The following BIRC6 variants were observed in gnomAD, a reference collection of about 807,000 sequenced individuals.
BIRC6 encodes dual E2 ubiquitin-conjugating enzyme/E3 ubiquitin-protein ligase BIRC6.
Under a neutral mutation model 503.3 loss-of-function variants are expected in BIRC6, and 98 were observed. The ratio of observed to expected loss-of-function variants is 0.19; its 90% CI spans 0.17 to 0.23. The LOEUF (loss-of-function observed/expected upper bound fraction) is 0.23. Among genes scored for constraint, BIRC6 ranks in the 10% least tolerant of loss-of-function variants. The pLI is 1.00. For synonymous variants in BIRC6, 2,240 were observed against 2,078.7 expected (o/e 1.08, Z -2.11); for missense variants, 5,360 against 5,806.0 (o/e 0.92, Z 2.50).
At chr2:32,573,199 T>C (rs2060034937) in intron 65 of BIRC6, among the ~76,000 whole-genome samples, 1 of 152,148 alleles carries the variant, frequency 6.6e-6, no homozygotes, top group Non-Finnish European at 1.5e-5. Context: ...TCAGTAAATG[T>C]TTTTTGTTTG....
intron 12 of BIRC6, 91 bp downstream of exon 12, chr2:32,431,181 C>CTTTATTTTTTTTTTTT (rs2044060115): frequency 1.5e-5 from 1 of 65,364 alleles, no homozygotes; most frequent in Non-Finnish European, 2.8e-5. Context: ...TACTGTTTAT[C>CTTTATTTTTTTTTTTT]TTTTTTTTTT....
At chr2:32,519,871 C>A (rs892831401) in intron 57 of BIRC6, among the ~76,000 whole-genome samples, 1 of 152,168 alleles carries the variant, frequency 6.6e-6, no homozygotes, top group Non-Finnish European at 1.5e-5. Flanking sequence ...TCTGGTTAAT[C>A]AGTGAGTGAA....
At chr2:32,399,378 G>T (rs1038284210) in intron 6 of BIRC6, among the ~76,000 whole-genome samples, 4 of 152,112 alleles carry the variant, frequency 2.6e-5, no homozygotes, top group Non-Finnish European at 5.9e-5. Flanking sequence ...GAGCCACCAC[G>T]CCCAGCCTAT....
chr2:32,520,774 G>A (rs2055572029), intron 57 of BIRC6, among the ~76,000 whole-genome samples: 3 of 152,120 alleles, frequency 2.0e-5, no homozygotes, highest in Non-Finnish European at 2.9e-5. Flanking sequence ...CCGAGATTGC[G>A]CCACTGCACT....
chr2:32,364,282 G>A (rs1447231927), intron 1 of BIRC6, among the ~76,000 whole-genome samples: 1 of 152,072 alleles, frequency 6.6e-6, no homozygotes, highest in Non-Finnish European at 1.5e-5. Flanking sequence ...TTGAGATGGA[G>A]TCTTGCTCTG....
intron 54 of BIRC6, among the ~76,000 whole-genome samples, chr2:32,514,057 C>CT (rs1279997291): frequency 6.6e-6 from 1 of 152,132 alleles, no homozygotes; most frequent in African/African-American, 2.4e-5. Context: ...GAGCGAGACT[C>CT]TGTCTCAAAA....
intron 16 of BIRC6, among the ~76,000 whole-genome samples, chr2:32,440,751 T>TTTTTTATTATTATTATTATTA (rs773312894): frequency 1.3e-3 from 191 of 147,180 alleles, no homozygotes; most frequent in South Asian, 4.9e-3. Context: ...TGTTTATTTA[T>TTTTTTATTATTATTATTATTA]TTATTATTAT....
intron 23 of BIRC6, among the ~76,000 whole-genome samples, chr2:32,457,990 ACAAT>A (rs1242444836): frequency 1.3e-5 from 2 of 152,164 alleles, no homozygotes; most frequent in East Asian, 1.9e-4. Context: ...GTTGTTGTAA[ACAAT>A]CAGTTTTGCA....
rs2039519724 is a variant in BIRC6, at chr2:32,393,631, C to A, written c.951+1481C>A. ...AGCCTCAGCTTCCAAACAATTCTCC[C>A]ACCTTAGCCCCTCAAGTAGCTGGGA... On this transcript the variant is annotated intron_variant, in intron 5 of 73. Coordinates refer to ENST00000421745, the MANE Select transcript of BIRC6 (RefSeq NM_016252.4). Among the ~76,000 whole-genome samples the A allele has an allele frequency of 1.3e-5, 2 of 152,122 alleles. 1 individual carries two copies. The highest frequency in any genetic ancestry group is 4.1e-4 in the South Asian group (2 of 4,824).
rs371105102 is a variant in BIRC6 at position 32,415,868 on chromosome 2, C to T, written c.2577C>T (p.Leu859=). 271 of 1,613,970 alleles carry T rather than the reference C, an allele frequency of 1.7e-4. 1 individual carries two copies. The South Asian group carries it at 2.1e-3, about 13-fold the overall frequency. The stretch of plus-strand genomic sequence containing the variant: ...ATCCCCAGGACACAATTACCTCGCT[C>T]ATTTTGCTTCCACCCGATATATTGG... ...IKDPQDTITS[L]ILLPPDILDN... Residue 859 remains leucine, a synonymous_variant, in exon 10 of 74, where the codon CTC becomes CTT. Transcript: ENST00000421745.
intron 66 of BIRC6, among the ~76,000 whole-genome samples, chr2:32,582,679 C>T (rs2060757442): frequency 6.6e-6 from 1 of 152,084 alleles, no homozygotes; most frequent in South Asian, 2.1e-4. Flanking sequence ...TCACTTGAAC[C>T]CAGGAGGCAG....
intron 66 of BIRC6, among the ~76,000 whole-genome samples, chr2:32,581,775 A>G (rs2151169879): frequency 6.6e-6 from 1 of 152,390 alleles, no homozygotes; most frequent in East Asian, 1.9e-4. Context: ...ATGCATGTCC[A>G]TCAAAAGGAG....
Position 32,487,813 on chromosome 2 carries a change from G to T in BIRC6, c.7968+12G>T. On this transcript the variant is annotated intron_variant, in intron 41 of 73. Coordinates refer to ENST00000421745, the MANE Select transcript of BIRC6 (RefSeq NM_016252.4). ...TCCATCATGTTCAGGTATGACTTCA[G>T]GAGAAATGGTGTATTTTTACATATT... The T allele has an allele frequency of 6.3e-7, 1 of 1,598,690 alleles. No homozygotes were observed. The highest frequency in any genetic ancestry group is 1.3e-5 in the African/African-American group (1 of 74,624).
chr2:32,410,710 T>C (rs2041765772), intron 9 of BIRC6, among the ~76,000 whole-genome samples: 1 of 152,076 alleles, frequency 6.6e-6, no homozygotes, highest in South Asian at 2.1e-4. Context: ...ACTTCTTTTT[T>C]TTTTTTTTGA....
intron 65 of BIRC6, among the ~76,000 whole-genome samples, chr2:32,554,458 A>G (rs936372884): frequency 1.3e-5 from 2 of 152,162 alleles, no homozygotes; most frequent in South Asian, 2.1e-4. Flanking sequence ...GAAAAGCAAG[A>G]TATAAATGGA....
chr2:32,536,077 T>A (rs1219320865), intron 61 of BIRC6, among the ~76,000 whole-genome samples: 1 of 152,248 alleles, frequency 6.6e-6, no homozygotes, highest in Non-Finnish European at 1.5e-5. Context: ...CATTTTTTCA[T>A]GTGTCTTTTG....
At chr2:32,361,971 T>C (rs2034161811) in intron 1 of BIRC6, among the ~76,000 whole-genome samples, 1 of 152,238 alleles carries the variant, frequency 6.6e-6, no homozygotes, top group Non-Finnish European at 1.5e-5. Flanking sequence ...GTTTTGGCAA[T>C]TATGAATAAA....
At chr2:32,370,509 G>A (rs770882314) in intron 1 of BIRC6, among the ~76,000 whole-genome samples, 1 of 152,068 alleles carries the variant, frequency 6.6e-6, no homozygotes, top group Non-Finnish European at 1.5e-5. Flanking sequence ...CCCTTTCTTT[G>A]TGGTGCAGTC....
Position 32,543,415 on chromosome 2 carries a change from C to T in BIRC6, c.12466C>T (p.His4156Tyr). Reference sequence around the variant, plus strand: ...ACAGACCATGTCTCCCATACCTGCCCATTCTTTGGCTGCTTTTGGATTATT... The same window carrying T: ...ACAGACCATGTCTCCCATACCTGCCTATTCTTTGGCTGCTTTTGGATTATT... ...AVQTMSPIPA[H>Y]SLAAFGLFLR... Residue 4156 changes from histidine (H) to tyrosine (Y), a missense_variant, in exon 62 of 74, where the codon CAT (histidine) becomes TAT (tyrosine). This residue lies in a region of BIRC6 where 477 missense variants were observed against 574.4 expected (regional missense o/e 0.83). Transcript: ENST00000421745. 1 of 1,614,038 alleles carries T rather than the reference C, an allele frequency of 6.2e-7. No individual in the cohort carries two copies. The highest frequency in any genetic ancestry group is 1.1e-5 in the South Asian group (1 of 91,086).
Sources: gnomAD v4.1 joint callset for allele counts (sites outside exome capture counted in the v4.1 genomes callset) on GRCh38, gnomAD v4.1.1 for gene constraint, gnomAD v4.1.1 regional missense constraint, MANE v1.5 for transcripts, NCBI Gene and HGNC (gene_info 2026-07-23, HGNC 2026-07-21) for gene names.